NECAB1: variants seen among roughly 807,000 people sequenced by gnomAD.
NECAB1 encodes the protein N-terminal EF-hand calcium-binding protein 1.
A neutral mutation model predicts 57.5 loss-of-function variants in NECAB1; 29 were observed. The ratio of observed to expected loss-of-function variants is 0.50; its 90% confidence interval spans 0.38 to 0.69. The LOEUF (loss-of-function observed/expected upper bound fraction) is 0.69. Among genes scored for constraint, NECAB1 ranks in the 30% least tolerant of loss-of-function variants. The pLI is 0.00. For missense variants in NECAB1, 372 were observed against 413.8 expected, an observed-to-expected ratio of 0.90 and a Z score of 0.88; for synonymous variants, 142 against 147.7, an observed-to-expected ratio of 0.96 and a Z score of 0.28.
chr8:90,834,143 A>C (rs189056027), intron 3 of NECAB1, among the ~76,000 whole-genome samples: 101 of 140,380 alleles, frequency 7.2e-4, no homozygotes, highest in African/African-American at 2.6e-3. Context: ...CCAGCCTAAG[A>C]GACAGAGTGA....
chr8:90,952,661 T>C (rs1810944527), intron 12 of NECAB1, among the ~76,000 whole-genome samples: 1 of 151,732 alleles, frequency 6.6e-6, no homozygotes, highest in Admixed American at 6.6e-5. Context: ...CCTGTAATCC[T>C]AGCTGCTCAG....
At chr8:90,800,772 T>C (rs1025030976) in intron 1 of NECAB1, among the ~76,000 whole-genome samples, 1 of 152,168 alleles carries the variant, frequency 6.6e-6, no homozygotes, top group African/African-American at 2.4e-5. Flanking sequence ...CCATGACCTG[T>C]CATTCACTGG....
intron 6 of NECAB1, among the ~76,000 whole-genome samples, chr8:90,922,681 C>T (rs561194054): frequency 1.1e-4 from 17 of 151,674 alleles, no homozygotes; most frequent in Non-Finnish European, 1.3e-4. Flanking sequence ...TTAGTAGAGA[C>T]GGGGTTTCAC....
At chr8:90,857,232 G>C (rs936022197) in intron 3 of NECAB1, among the ~76,000 whole-genome samples, 1 of 152,072 alleles carries the variant, frequency 6.6e-6, no homozygotes, top group South Asian at 2.1e-4. Context: ...TGTTTTTACT[G>C]TATGTTTGGG....
intron 4 of NECAB1, among the ~76,000 whole-genome samples, chr8:90,880,408 A>G (rs1339847987): frequency 3.9e-5 from 6 of 152,138 alleles, no homozygotes; most frequent in Admixed American, 6.5e-5. Context: ...AAATATTTCA[A>G]CTTACTAGTT....
At chr8:90,794,004 T>C (rs544550793) in intron 1 of NECAB1, among the ~76,000 whole-genome samples, 6 of 152,334 alleles carry the variant, frequency 3.9e-5, no homozygotes, top group African/African-American at 9.6e-5. Flanking sequence ...AATAGGGTGG[T>C]CTTGCCTTTT....
rs755039045 is a variant in NECAB1, at chr8:90,800,366, C to T, written c.100-1325C>T. On this transcript the variant is annotated intron_variant, in intron 1 of 12. Transcript: ENST00000417640. Reference sequence around the variant, plus strand: ...GTTGAATAGGAGTGGTGAGAGTGGGCGTCCTTGTCTTGTTCCAGTTCCAGT... The same window carrying T: ...GTTGAATAGGAGTGGTGAGAGTGGGTGTCCTTGTCTTGTTCCAGTTCCAGT... Among the ~76,000 whole-genome samples the T allele has an allele frequency of 1.1e-4, 17 of 152,206 alleles. 1 individual carries two copies. The highest frequency in any genetic ancestry group is 1.7e-4 in the African/African-American group (7 of 41,530).
At chr8:90,829,211 A>G (rs990992226) in intron 3 of NECAB1, among the ~76,000 whole-genome samples, 3 of 152,054 alleles carry the variant, frequency 2.0e-5, no homozygotes, top group Non-Finnish European at 2.9e-5. Context: ...AGCAAAAACT[A>G]AATCTATAGC....
At chr8:90,874,454 G>A (rs978288836) in intron 4 of NECAB1, among the ~76,000 whole-genome samples, 3 of 152,126 alleles carry the variant, frequency 2.0e-5, no homozygotes. Flanking sequence ...AATTATGTAG[G>A]CGTATAAGCT....
At chr8:90,847,553 T>C (rs996553288) in intron 3 of NECAB1, among the ~76,000 whole-genome samples, 3 of 152,240 alleles carry the variant, frequency 2.0e-5, no homozygotes, top group African/African-American at 4.8e-5. Context: ...CAACCCCACA[T>C]TTCTCTTGTG....
At chr8:90,934,265 AT>A (rs1554577232) in intron 8 of NECAB1, 38 bp from the exon 9 acceptor site, 18 of 1,413,430 alleles carry the variant, frequency 1.3e-5, no homozygotes, top group Admixed American at 4.8e-5. Context: ...AAATGATATA[AT>A]TTTTTTTCTT....
intron 2 of NECAB1, chr8:90,813,230 T>TACACACACAC (rs760365199): frequency 7.2e-6 from 1 of 138,576 alleles, no homozygotes; most frequent in African/African-American, 2.7e-5. Flanking sequence ...TATATATGTA[T>TACACACACAC]ATATACACAC....
At chr8:90,930,943 T>C (rs905188453) in intron 8 of NECAB1, among the ~76,000 whole-genome samples, 5 of 152,258 alleles carry the variant, frequency 3.3e-5, no homozygotes, top group East Asian at 1.9e-4. Flanking sequence ...TGGTTTTGAA[T>C]TTTTGGACAA....
intron 4 of NECAB1, among the ~76,000 whole-genome samples, chr8:90,876,211 G>C (rs1050451630): frequency 6.6e-6 from 1 of 152,022 alleles, no homozygotes; most frequent in Admixed American, 6.6e-5. Flanking sequence ...AAATCAGAAG[G>C]CTCTATGCCC....
intron 5 of NECAB1, among the ~76,000 whole-genome samples, chr8:90,886,924 A>G (rs1809010065): frequency 6.6e-6 from 1 of 152,078 alleles, no homozygotes; most frequent in Non-Finnish European, 1.5e-5. Context: ...GATACCTCAT[A>G]TAGGTTCAAA....
At chr8:90,827,315 C>CA (rs1413059111) in intron 3 of NECAB1, among the ~76,000 whole-genome samples, 1 of 151,940 alleles carries the variant, frequency 6.6e-6, no homozygotes, top group Non-Finnish European at 1.5e-5. Flanking sequence ...TAACCTGGAC[C>CA]AAAACAGTCA....
intron 6 of NECAB1, among the ~76,000 whole-genome samples, chr8:90,919,879 GT>G (rs1206581785): frequency 5.3e-5 from 8 of 152,036 alleles, no homozygotes; most frequent in African/African-American, 1.9e-4. Context: ...CTGCGCTTTT[GT>G]TTTTTTCTAC....
At chr8:90,804,430 A>G (rs1403421466) in intron 2 of NECAB1, among the ~76,000 whole-genome samples, 1 of 152,052 alleles carries the variant, frequency 6.6e-6, no homozygotes, top group Admixed American at 6.6e-5. Flanking sequence ...AGTTTAATTT[A>G]TTTTTAGATC....
At chr8:90,954,740 G>T (rs1810987435) in intron 12 of NECAB1, among the ~76,000 whole-genome samples, 2 of 150,340 alleles carry the variant, frequency 1.3e-5, no homozygotes, top group South Asian at 4.2e-4. Flanking sequence ...GATCCTATGT[G>T]TATAAATATA....
Sources: allele counts gnomAD v4.1 joint callset (sites outside exome capture counted in the v4.1 genomes callset), GRCh38; gene constraint gnomAD v4.1.1; transcripts MANE v1.5; gene names NCBI Gene and HGNC (gene_info 2026-07-23, HGNC 2026-07-21).